Variants in AR observed in about 807,000 individuals in gnomAD.
AR encodes the protein androgen receptor.
A neutral mutation model predicts 53.9 loss-of-function variants in AR; 8 were observed. The ratio of observed to expected loss-of-function variants is 0.15; its 90% CI spans 0.09 to 0.27. The LOEUF is 0.27. AR is among the 10% of genes least tolerant of loss of function. The pLI is 1.00. For missense variants in AR, 639 were observed against 742.5 expected (o/e 0.86, Z 1.62); for synonymous variants, 359 against 316.4 (o/e 1.13, Z -1.43).
intron 3 of AR, among the ~76,000 whole-genome samples, chrX:67,691,547 G>A (rs900939333): frequency 1.5e-4 from 17 of 111,488 alleles, no homozygotes; most frequent in Non-Finnish European, 3.2e-4. Context: ...TCAACCACAG[G>A]ACCTCATTTA....
intron 1 of AR, among the ~76,000 whole-genome samples, chrX:67,623,454 A>G (rs760363097): frequency 8.9e-6 from 1 of 111,777 alleles, no homozygotes; most frequent in Non-Finnish European, 1.9e-5. Flanking sequence ...TGAAAATGAA[A>G]ATACATTGTT....
chrX:67,666,987 C>A (rs1927299917), intron 2 of AR, among the ~76,000 whole-genome samples: 1 of 110,898 alleles, frequency 9.0e-6, no homozygotes, highest in Admixed American at 9.6e-5. Context: ...GGGTAGTTTG[C>A]AAATAGTTGC....
chrX:67,646,099 A>T (rs1214043471), intron 2 of AR, among the ~76,000 whole-genome samples: 1 of 111,979 alleles, frequency 8.9e-6, no homozygotes, highest in African/African-American at 3.2e-5. Context: ...CACTTAATTC[A>T]TAGTTTCATA....
At chrX:67,562,356 ATGTGTGTGTGTG>A (rs756124629) in intron 1 of AR, among the ~76,000 whole-genome samples, 4 of 95,026 alleles carry the variant, frequency 4.2e-5, no homozygotes, top group East Asian at 3.3e-4. Context: ...TATGGTGTAT[ATGTGTGTGTGTG>A]TGTGTGTGTG....
At chrX:67,589,400 G>A (rs184220984) in intron 1 of AR, among the ~76,000 whole-genome samples, 60 of 112,222 alleles carry the variant, frequency 5.3e-4, no homozygotes, top group Non-Finnish European at 2.4e-4. Flanking sequence ...TTTAGCTCAC[G>A]GCCTTACAGA....
intron 1 of AR, among the ~76,000 whole-genome samples, chrX:67,602,619 T>A (rs1245684994): frequency 9.0e-6 from 1 of 111,627 alleles, no homozygotes; most frequent in Non-Finnish European, 1.9e-5. Context: ...TTAGGAGTGA[T>A]CCCTGGCTGA....
chrX:67,676,451 A>G (rs1476760089), intron 2 of AR, among the ~76,000 whole-genome samples: 1 of 112,521 alleles, frequency 8.9e-6, no homozygotes. Context: ...GCAGAAATAG[A>G]CAAATATATA....
intron 2 of AR, among the ~76,000 whole-genome samples, chrX:67,667,037 T>C (rs1927304858): frequency 9.0e-6 from 1 of 111,193 alleles, no homozygotes; most frequent in Non-Finnish European, 1.9e-5. Flanking sequence ...GTTGATCGAA[T>C]CACTTGCTGT....
chrX:67,680,870 T>C, intron 2 of AR: 1 of 296,974 alleles, frequency 3.4e-6, no homozygotes, highest in Non-Finnish European at 6.5e-6. Flanking sequence ...TCATGGCCTT[T>C]GAATCATACT....
rs754596998 is a variant in AR at position 67,629,337 on chromosome X, G to A, written c.1617-13919G>A. On this transcript the variant is annotated intron_variant, in intron 1 of 7. Coordinates refer to ENST00000374690, the MANE Select transcript of AR (RefSeq NM_000044.6). Reference sequence around the variant, plus strand: ...AGATCCTGTTATTGGTCTATTCAGAGATTCAACTTCTTCCTGGTTTAGTCT... The same window carrying A: ...AGATCCTGTTATTGGTCTATTCAGAAATTCAACTTCTTCCTGGTTTAGTCT... 6.5e-3 allele frequency among the ~76,000 whole-genome samples: 709 copies of A among 109,243 alleles called. 3 individuals are homozygous for A. Among genetic ancestry groups the A allele is most frequent in the Non-Finnish European group, 9.8e-3 (510 of 52,265 alleles). 94.9% of individuals were successfully genotyped at this position (109,243 alleles called of 115,157 possible). A position where few individuals can be genotyped will look rare whatever the true frequency, so the allele number is the denominator to read the frequency against.
chrX:67,713,789 G>A (rs1015432136), intron 4 of AR, among the ~76,000 whole-genome samples: 1 of 111,616 alleles, frequency 9.0e-6, no homozygotes, highest in African/African-American at 3.3e-5. Context: ...AAGATGGAAA[G>A]CCCCCTCCCC....
intron 1 of AR, among the ~76,000 whole-genome samples, chrX:67,583,940 A>G (rs770527672): frequency 2.1e-4 from 24 of 112,146 alleles, no homozygotes; most frequent in Non-Finnish European, 3.9e-4. Flanking sequence ...GGAAATGCCC[A>G]CAGACTACTC....
In AR at chrX:67,544,192, A is replaced by G. The variant is rs892286752; in HGVS notation, c.-955A>G. 54 of 135,497 alleles carry G rather than the reference A, an allele frequency of 4.0e-4. No individual in the cohort carries two copies. The highest frequency in any genetic ancestry group is 7.0e-4 in the Non-Finnish European group (47 of 67,273). 11.2% of individuals were successfully genotyped at this position (135,497 alleles called of 1,213,427 possible). On this transcript the variant is annotated 5_prime_UTR_variant, in exon 1 of 8. Coordinates refer to ENST00000374690, the MANE Select transcript of AR (RefSeq NM_000044.6). ...CCAGCCCCAGCCCGGCTCCAGCGAC[A>G]GCCAACGCCTCTTGCAGCGCGGCGG...
At position 67,643,313 on chromosome X, in the gene AR, G is replaced by A. The variant is rs770563263; in HGVS notation, c.1674G>A (p.Lys558=). The A allele has an allele frequency of 1.7e-5, 21 of 1,209,601 alleles. No homozygotes were observed. The highest frequency in any genetic ancestry group is 2.3e-5 in the Non-Finnish European group (21 of 895,036). Residue 558 remains lysine, a synonymous_variant, in exon 2 of 8, where the codon AAG becomes AAA. Coordinates refer to ENST00000374690, the MANE Select transcript of AR (RefSeq NM_000044.6). ...LPIDYYFPPQ[K]TCLICGDEAS... is the part of the protein sequence containing the mutation. ...TTGACTATTACTTTCCACCCCAGAA[G>A]ACCTGCCTGATCTGTGGAGATGAAG...
At chrX:67,698,954 A>G (rs992962602) in intron 3 of AR, among the ~76,000 whole-genome samples, 3 of 111,810 alleles carry the variant, frequency 2.7e-5, no homozygotes, top group Non-Finnish European at 5.6e-5. Context: ...GTAGCAGCAC[A>G]TTCGTTTTAT....
At chrX:67,651,541 C>T (rs1240107723) in intron 2 of AR, among the ~76,000 whole-genome samples, 1 of 111,759 alleles carries the variant, frequency 8.9e-6, no homozygotes, top group Non-Finnish European at 1.9e-5. Flanking sequence ...GCAGCATTCA[C>T]TCTGCTCTGT....
chrX:67,660,682 G>C (rs1926853989), intron 2 of AR, among the ~76,000 whole-genome samples: 1 of 111,603 alleles, frequency 9.0e-6, no homozygotes, highest in Non-Finnish European at 1.9e-5. Flanking sequence ...GCTTAGGGTT[G>C]ACTTGGCGAT....
chrX:67,634,982 C>A (rs1294074102), intron 1 of AR, among the ~76,000 whole-genome samples: 1 of 109,918 alleles, frequency 9.1e-6, no homozygotes, highest in African/African-American at 3.3e-5. Context: ...TACATGTTTA[C>A]CCTTGCCTTC....
chrX:67,632,221 G>T, intron 1 of AR, among the ~76,000 whole-genome samples: 1 of 109,402 alleles, frequency 9.1e-6, no homozygotes, highest in Non-Finnish European at 1.9e-5. Flanking sequence ...GGCAATGGCA[G>T]GTGCCCCTCC....
Sources: allele counts gnomAD v4.1 joint callset (sites outside exome capture counted in the v4.1 genomes callset), GRCh38; gene constraint gnomAD v4.1.1; transcripts MANE v1.5; gene names NCBI Gene and HGNC (gene_info 2026-07-23, HGNC 2026-07-21).